MKI67: variants seen among roughly 807,000 people sequenced by gnomAD.
MKI67 encodes proliferation marker protein Ki-67.
A neutral mutation model predicts 233.5 loss-of-function variants in MKI67; 152 were observed. The observed-to-expected ratio is 0.65, with a 90% CI of 0.57 to 0.74. The LOEUF (loss-of-function observed/expected upper bound fraction) is 0.74. Ranked by LOEUF, MKI67 falls within the 30% of genes least tolerant of loss-of-function variation. The probability of loss-of-function intolerance (pLI) is 0.00; values close to 1 mark genes in which losing one functional copy is unlikely to be tolerated. For missense variants in MKI67, 3,940 were observed against 3,885.2 expected (o/e 1.01, Z -0.37); for synonymous variants, 1,465 against 1,418.5 (o/e 1.03, Z -0.74).
rs757276825 is a variant in MKI67 at position 128,101,239 on chromosome 10, GAAACAGT to G, written c.9705+12_9705+18del. Reference sequence around the variant, plus strand: ...AACATTCTGTGTCTTTTAAAACAGGGAAACAGTAAATGGCTTACCTTCTTTGGATTTT... The same window carrying G: ...AACATTCTGTGTCTTTTAAAACAGGGAAATGGCTTACCTTCTTTGGATTTT... On this transcript the variant is annotated intron_variant, in intron 14 of 14. Transcript: ENST00000368654. 6.7e-5 allele frequency: 107 copies of G among 1,595,450 alleles called. 1 individual carries two copies. The East Asian group carries it at 2.3e-3, about 35-fold the overall frequency.
At position 128,104,866 on chromosome 10, in the gene MKI67, G is replaced by A; in HGVS notation, c.6974C>T (p.Thr2325Ile). 1 of 1,612,954 alleles carries A rather than the reference G, an allele frequency of 6.2e-7. No individual in the cohort carries two copies. Reference protein sequence around the residue: ...DLAGFKELFQTPGTDKPTTDE... With the variant: ...DLAGFKELFQIPGTDKPTTDE... ...AGTCGTGGGCTTGTCAGTGCCTGGT[G>A]TCTGGAAGAGCTCTTTGAAGCCAGC... Residue 2325 changes from threonine (T) to isoleucine (I), a missense_variant, in exon 13 of 15, where the codon ACA becomes ATA. Transcript: ENST00000368654.
At position 128,108,042 on chromosome 10, in the gene MKI67, C is replaced by T. The variant is rs1232822056; in HGVS notation, c.3798G>A (p.Lys1266=). Residue 1266 remains lysine, a synonymous_variant, in exon 13 of 15, where the codon AAG becomes AAA. Transcript: ENST00000368654. ...SDPVDTPTST[K]QRPKRSIRKA... is the part of the protein sequence containing the mutation. Reference sequence around the variant, plus strand: ...TCCTGATACTTCTCTTGGGTCGTTGCTTTGTGCTTGTTGGGGTGTCCACTG... The same window carrying T: ...TCCTGATACTTCTCTTGGGTCGTTGTTTTGTGCTTGTTGGGGTGTCCACTG... 2 of 1,611,958 alleles carry T rather than the reference C, an allele frequency of 1.2e-6. No individual in the cohort carries two copies. The highest frequency in any genetic ancestry group is 8.5e-7 in the Non-Finnish European group (1 of 1,179,464).
rs775946727 is a variant in MKI67, at chr10:128,112,452, A to G, written c.1657-7T>C. The G allele has an allele frequency of 1.9e-5, 31 of 1,611,934 alleles. No homozygotes were observed. The highest frequency in any genetic ancestry group is 2.6e-5 in the Non-Finnish European group (31 of 1,178,644). ...CTGATGGTTGAGGCTGTTCCTGACA[A>G]GACAAAATTGTTTACAAGAAGCCTT... is the stretch of plus-strand genomic sequence containing the variant. On this transcript the variant is annotated splice_polypyrimidine_tract_variant and splice_region_variant and intron_variant, in intron 8 of 14. Coordinates refer to ENST00000368654, the MANE Select transcript of MKI67 (RefSeq NM_002417.5).
chr10:128,105,999 CT>C lies in MKI67; in HGVS notation c.5840del (p.Lys1947ArgfsTer5). ...SKRRPQTPKE[K>X]AKALEDLAGF... Reference sequence around the variant, plus strand: ...CAGCCAGATCTTCTAGAGCCTTGGCCTTTTCTTTAGGAGTTTGTGGCCGTCT... The same window carrying C: ...CAGCCAGATCTTCTAGAGCCTTGGCCTTTCTTTAGGAGTTTGTGGCCGTCT... On this transcript the variant is annotated frameshift_variant, in exon 13 of 15. Transcript: ENST00000368654. LOFTEE classifies it high-confidence loss of function. 6.2e-7 allele frequency: 1 copy of C among 1,614,188 alleles called. No individual in the cohort carries two copies. The highest frequency in any genetic ancestry group is 8.5e-7 in the Non-Finnish European group (1 of 1,180,032).
intron 5 of MKI67, among the ~76,000 whole-genome samples, chr10:128,117,822 C>A (rs192584951): frequency 9.4e-4 from 143 of 152,258 alleles, no homozygotes; most frequent in Non-Finnish European, 1.5e-3. Context: ...CATTCAATAG[C>A]CACAAAATTG....
At chr10:128,101,191 A>G in intron 14 of MKI67, 67 bp downstream of exon 14, 1 of 1,528,438 alleles carries the variant, frequency 6.5e-7, no homozygotes, top group Non-Finnish European at 8.9e-7. Context: ...TGCCTTTGCA[A>G]CCTTGGGCAA....
At chr10:128,111,527 G>A (rs902833413) in intron 11 of MKI67, 118 bp downstream of exon 11, 4 of 921,242 alleles carry the variant, frequency 4.3e-6, no homozygotes, top group Non-Finnish European at 4.8e-6. Context: ...AAGGGTGATT[G>A]AGTCGTTTAT....
rs1399405288 is a variant in MKI67 at position 128,101,310 on chromosome 10, G to C, written c.9653C>G (p.Ser3218Cys). 5.6e-6 allele frequency: 9 copies of C among 1,614,110 alleles called. No individual in the cohort carries two copies. Among genetic ancestry groups the C allele is most frequent in the African/African-American group, 1.3e-5 (1 of 74,938 alleles). Residue 3218 changes from serine (S) to cysteine (C), a missense_variant, in exon 14 of 15, where the codon TCT (serine) becomes TGT (cysteine). By Grantham distance (112) the Ser-to-Cys change is moderately radical (BLOSUM62 -1). Coordinates refer to ENST00000368654, the MANE Select transcript of MKI67 (RefSeq NM_002417.5). The part of the protein sequence containing the change: ...QPAASTLESK[S>C]VQRVTRSVKR... Reference sequence around the variant, plus strand: ...GACACTCCGCGTTACTCTCTGCACAGATTTGCTCTCCAAAGTGCTTGCTGC... The same window carrying C: ...GACACTCCGCGTTACTCTCTGCACACATTTGCTCTCCAAAGTGCTTGCTGC...
chr10:128,101,192 C>A, intron 14 of MKI67, 66 bp downstream of exon 14: 1 of 1,532,694 alleles, frequency 6.5e-7, no homozygotes, highest in East Asian at 2.3e-5. Context: ...GCCTTTGCAA[C>A]CTTGGGCAAA....
At position 128,125,511 on chromosome 10, in the gene MKI67, A is replaced by C. The variant is rs1853035769; in HGVS notation, c.92+65T>G. 1 of 1,350,806 alleles carries C rather than the reference A, an allele frequency of 7.4e-7. No homozygotes were observed. The highest frequency in any genetic ancestry group is 1.4e-5 in the African/African-American group (1 of 69,494). 83.7% of individuals were successfully genotyped at this position (1,350,806 alleles called of 1,614,324 possible). ...ATCCTAGAGCGCGTTTCTGGACTTT[A>C]TTCTGTGACTAAGGTATTTTCCTCT... On this transcript the variant is annotated intron_variant, in intron 2 of 14. Transcript: ENST00000368654. The surrounding 1 kb of genome is among the most constrained non-coding windows in gnomAD (Gnocchi z 5.3).
At chr10:128,102,447 T>G in intron 13 of MKI67, 132 bp downstream of exon 13, 1 of 1,078,414 alleles carries the variant, frequency 9.3e-7, no homozygotes, top group South Asian at 1.5e-5. Flanking sequence ...TGGCCTGCAG[T>G]TATTCAGTGT....
At chr10:128,118,769 C>T (rs1329785138) in intron 5 of MKI67, among the ~76,000 whole-genome samples, 1 of 152,234 alleles carries the variant, frequency 6.6e-6, no homozygotes, top group African/African-American at 2.4e-5. Context: ...GATTCTCTCA[C>T]AAGACAAAGC....
At chr10:128,109,890 G>T (rs568646604) in intron 12 of MKI67, among the ~76,000 whole-genome samples, 5 of 152,276 alleles carry the variant, frequency 3.3e-5, no homozygotes, top group Admixed American at 6.5e-5. Flanking sequence ...TTCCCTCTGT[G>T]ACAGGAATAC....
rs143304134 is a variant in MKI67, at chr10:128,115,541, C to A, written c.867G>T (p.Ser289=). 6.2e-7 allele frequency: 1 copy of A among 1,614,198 alleles called. No individual in the cohort carries two copies. The highest frequency in any genetic ancestry group is 1.1e-5 in the South Asian group (1 of 91,082). Residue 289 remains serine (S), a synonymous_variant, in exon 7 of 15, where the codon TCG becomes TCT. Coordinates refer to ENST00000368654, the MANE Select transcript of MKI67 (RefSeq NM_002417.5). ...GLQGETQLLV[S]RKSRPKSGGS... ...CACCAGATTTTGGTCTTGACTTACG[C>A]GAGACCAACAGTTGGGTCTCCCCCT...
At chr10:128,117,808 A>T (rs930907031) in intron 5 of MKI67, among the ~76,000 whole-genome samples, 1 of 152,210 alleles carries the variant, frequency 6.6e-6, no homozygotes, top group Admixed American at 6.5e-5. Context: ...TTGTTGTACG[A>T]TTACATTCAA....
In MKI67 at chr10:128,104,813, T is replaced by A; in HGVS notation, c.7027A>T (p.Lys2343Ter). The change falls in exon 13 of 15, where the codon AAA becomes TAA. Residue 2343 changes from lysine to a stop codon, truncating the protein, a stop_gained. Transcript: ENST00000368654. LOFTEE classifies it high-confidence loss of function. ...TDEKTTKIAC[K>*]SPQPDPVDTP... is the part of the protein sequence containing the mutation. ...TCCACTGGGTCTGGTTGTGGAGATT[T>A]GCAGGCTATTTTGGTAGTTTTCTCA... 1 of 1,613,620 alleles carries A rather than the reference T, an allele frequency of 6.2e-7. No individual in the cohort carries two copies. The highest frequency in any genetic ancestry group is 8.5e-7 in the Non-Finnish European group (1 of 1,179,944).
At position 128,125,697 on chromosome 10, in the gene MKI67, T is replaced by C. The variant is rs940869501; in HGVS notation, c.-30A>G. 1.3e-5 allele frequency: 20 copies of C among 1,574,320 alleles called. No individual in the cohort carries two copies. The highest frequency in any genetic ancestry group is 1.7e-5 in the Non-Finnish European group (19 of 1,145,422). On this transcript the variant is annotated 5_prime_UTR_variant, in exon 2 of 15. Transcript: ENST00000368654. The surrounding 1 kb of genome is among the most constrained non-coding windows in gnomAD (Gnocchi z 5.3). ...TAAACAGTAAGTTGAGTATAATCCGTAGGGGAAGGCCAGGTATAATCCGTA... is the reference window on the plus strand; with the variant it reads ...TAAACAGTAAGTTGAGTATAATCCGCAGGGGAAGGCCAGGTATAATCCGTA...
chr10:128,100,375 G>T (rs1852311730), intron 14 of MKI67, among the ~76,000 whole-genome samples: 1 of 151,812 alleles, frequency 6.6e-6, no homozygotes, highest in Admixed American at 6.6e-5. Context: ...TCCTTTTCTT[G>T]GCAGTTGAAG....
rs552122552 is a variant in MKI67 at position 128,099,320 on chromosome 10, C to G, written c.9706-65G>C. 2.3e-6 allele frequency: 3 copies of G among 1,332,750 alleles called. No individual in the cohort carries two copies. The African/African-American group carries it at 4.4e-5, about 20-fold the overall frequency. 82.6% of individuals were successfully genotyped at this position (1,332,750 alleles called of 1,614,324 possible). A position where few individuals can be genotyped will look rare whatever the true frequency, so the allele number is the denominator to read the frequency against. ...AAACACCCATTTTTAGAATCGACCT[C>G]CTCTGCAAAACCCCAAAGGCTTACT... On this transcript the variant is annotated intron_variant, in intron 14 of 14. Transcript: ENST00000368654.
Sources: allele counts gnomAD v4.1 joint callset (sites outside exome capture counted in the v4.1 genomes callset), GRCh38; gene constraint gnomAD v4.1.1; non-coding constraint Gnocchi (gnomAD v3.1); transcripts MANE v1.5; gene names NCBI Gene and HGNC (gene_info 2026-07-23, HGNC 2026-07-21).